The following SYNE1 variants were observed in gnomAD, a reference collection of about 807,000 sequenced individuals.
SYNE1 encodes nesprin-1.
A neutral mutation model predicts 1,111.0 loss-of-function variants in SYNE1; 616 were observed. That is an observed-to-expected ratio of 0.55 (90% CI 0.52 to 0.59). The LOEUF (loss-of-function observed/expected upper bound fraction) is 0.59. SYNE1 is among the 20% of genes least tolerant of loss of function. SYNE1 has a pLI of 0.00. For missense variants in SYNE1, 10,006 were observed against 10,417.0 expected (o/e 0.96, Z 1.72); for synonymous variants, 3,855 against 3,825.8 (o/e 1.01, Z -0.28).
In SYNE1 at chr6:152,325,760, T is replaced by G. The variant is rs1243052879; in HGVS notation, c.15438+198A>C. On this transcript the variant is annotated intron_variant, in intron 80 of 145. Transcript: ENST00000367255. Reference sequence around the variant, plus strand: ...TATCGGAAGCAAATTGCTCTGAACATCTTAGCTATGCATTTCCAATGGGAA... The same window carrying G: ...TATCGGAAGCAAATTGCTCTGAACAGCTTAGCTATGCATTTCCAATGGGAA... Among the ~76,000 whole-genome samples, 3 of 152,236 alleles carry G rather than the reference T, an allele frequency of 2.0e-5. No homozygotes were observed. The East Asian group carries it at 5.8e-4, about 29-fold the overall frequency.
intron 127 of SYNE1, among the ~76,000 whole-genome samples, chr6:152,198,274 T>C (rs543166563): frequency 9.4e-4 from 143 of 152,340 alleles, no homozygotes; most frequent in African/African-American, 3.3e-3. Context: ...CTGCAGTTAC[T>C]TCTCCTCCCT....
chr6:152,284,071 C>T lies in SYNE1; in HGVS notation c.18114G>A (p.Ala6038=), dbSNP rs149923357. The T allele has an allele frequency of 2.1e-4, 341 of 1,614,212 alleles. No individual in the cohort carries two copies. In the African/African-American group the frequency reaches 3.8e-3, roughly 18 times the overall value. ...GCGTGGACTGCAAGGCCAGCTGCTC[C>T]GCAGGGTCGGCCTCACAAGACTCGG... is the stretch of plus-strand genomic sequence containing the variant. ...LVSESCEADP[A]EQLALQSTLT... is the part of the protein sequence containing the mutation. The change falls in exon 96 of 146, where the codon GCG becomes GCA. Residue 6038 remains alanine, a synonymous_variant. Coordinates refer to ENST00000367255, the MANE Select transcript of SYNE1 (RefSeq NM_182961.4).
At position 152,230,551 on chromosome 6, in the gene SYNE1, C is replaced by CA; in HGVS notation, c.21190dup (p.Cys7064LeufsTer9). On this transcript the variant is annotated frameshift_variant, in exon 115 of 146. Transcript: ENST00000367255. LOFTEE classifies it high-confidence loss of function. ...TTAGCCACCTGGACAAGTTACCTGACAGTCTTTCAGTGCATTTTGAACAGA... is the reference window on the plus strand; with the variant it reads ...TTAGCCACCTGGACAAGTTACCTGACAAGTCTTTCAGTGCATTTTGAACAGA... 6.2e-7 allele frequency: 1 copy of CA among 1,614,064 alleles called. No homozygotes were observed. Among genetic ancestry groups the CA allele is most frequent in the South Asian group, 1.1e-5 (1 of 91,088 alleles).
chr6:152,151,514 G>C (rs1181748775), intron 135 of SYNE1, 39 bp downstream of exon 135: 1 of 1,611,590 alleles, frequency 6.2e-7, no homozygotes, highest in Middle Eastern at 1.7e-4. Context: ...TCATTTTCAG[G>C]CTTTCTTCAC....
At chr6:152,139,899 C>A in intron 140 of SYNE1, 51 bp downstream of exon 140, 1 of 1,581,530 alleles carries the variant, frequency 6.3e-7, no homozygotes, top group South Asian at 1.1e-5. Context: ...CACGGTCGTT[C>A]ACGCGGTGGC....
chr6:152,488,516 A>C lies in SYNE1; in HGVS notation c.940-13T>G. On this transcript the variant is annotated splice_polypyrimidine_tract_variant and intron_variant, in intron 11 of 145. Coordinates refer to ENST00000367255, the MANE Select transcript of SYNE1 (RefSeq NM_182961.4). ...CTCTGTCTTCTCTCTGGAAATGAGG[A>C]GACATTACAATTTTATTAGTATCTG... The C allele has an allele frequency of 7.2e-7, 1 of 1,387,700 alleles. No homozygotes were observed. Among genetic ancestry groups the C allele is most frequent in the Non-Finnish European group, 1.0e-6 (1 of 979,232 alleles). 86.0% of individuals were successfully genotyped at this position (1,387,700 alleles called of 1,614,324 possible). A position where few individuals can be genotyped will look rare whatever the true frequency, so the allele number is the denominator to read the frequency against.
intron 39 of SYNE1, among the ~76,000 whole-genome samples, chr6:152,424,823 A>G (rs1283872517): frequency 6.6e-6 from 1 of 152,236 alleles, no homozygotes; most frequent in African/African-American, 2.4e-5. Context: ...AGAAAGGTTA[A>G]ATGCCTAAGA....
At chr6:152,454,245 G>A (rs1206575638) in intron 24 of SYNE1, among the ~76,000 whole-genome samples, 1 of 146,840 alleles carries the variant, frequency 6.8e-6, no homozygotes, top group Non-Finnish European at 1.5e-5. Context: ...TGCACACATA[G>A]GCACACATGC....
intron 90 of SYNE1, 124 bp downstream of exon 90, chr6:152,309,711 C>T (rs756230235): frequency 2.2e-5 from 28 of 1,292,988 alleles, no homozygotes; most frequent in Non-Finnish European, 2.6e-5. Context: ...TTTTATAAAA[C>T]CACAACAGCC....
At chr6:152,563,609 T>A (rs2099402059) in intron 3 of SYNE1, among the ~76,000 whole-genome samples, 1 of 152,166 alleles carries the variant, frequency 6.6e-6, no homozygotes, top group Admixed American at 6.5e-5. Flanking sequence ...GTCATCTCAA[T>A]AAAGCTGGAA....
At position 152,206,370 on chromosome 6, in the gene SYNE1, G is replaced by T. The variant is rs1280601246; in HGVS notation, c.22825-8C>A. On this transcript the variant is annotated splice_polypyrimidine_tract_variant and splice_region_variant and intron_variant, in intron 125 of 145. Transcript: ENST00000367255. ...AAACACTTTTTCTTTGAACTGAAAG[G>T]AACCATAGCTTTTTATTTTCTCATT... 2 of 1,613,448 alleles carry T rather than the reference G, an allele frequency of 1.2e-6. No individual in the cohort carries two copies. The highest frequency in any genetic ancestry group is 2.2e-5 in the South Asian group (2 of 91,046).
intron 3 of SYNE1, among the ~76,000 whole-genome samples, chr6:152,568,360 T>A (rs912669706): frequency 7.3e-6 from 1 of 137,644 alleles, no homozygotes; most frequent in South Asian, 2.4e-4. Flanking sequence ...TGAAGTACAG[T>A]GGCGAGATCT....
rs561909499 is a variant in SYNE1 at position 152,591,824 on chromosome 6, A to G, written c.67+36441T>C. Among the ~76,000 whole-genome samples, 63 of 151,738 alleles carry G rather than the reference A, an allele frequency of 4.2e-4. 1 individual carries two copies. The highest frequency in any genetic ancestry group is 3.9e-4 in the East Asian group (2 of 5,186). On this transcript the variant is annotated intron_variant, in intron 3 of 145. Transcript: ENST00000367255. ...TAAATCAACAGCAAAAAAATAAAAT[A>G]AAATAAACAAAAAACCCCATTAAAA... is the stretch of plus-strand genomic sequence containing the variant.
At position 152,122,582 on chromosome 6, in the gene SYNE1, G is replaced by A. The variant is rs1333054023; in HGVS notation, c.26248C>T (p.Pro8750Ser). ...AGGAGGAGCAGGAGAAGCTGAAGGG[G>A]AAGAGCTGCTCGGAGGACTCTGAAC... ...FLFRVLRAAL[P>S]LQLLLLLLIG... The change falls in exon 146 of 146, where the codon CCC (proline) becomes TCC (serine). Residue 8750 changes from proline (P) to serine (S), a missense_variant. Transcript: ENST00000367255. 2 of 1,614,096 alleles carry A rather than the reference G, an allele frequency of 1.2e-6. No homozygotes were observed. The highest frequency in any genetic ancestry group is 1.7e-5 in the Admixed American group (1 of 60,008).
chr6:152,316,398 G>A, intron 87 of SYNE1: 1 of 200,784 alleles, frequency 5.0e-6, no homozygotes. Context: ...CAAATGATGA[G>A]AAGACAGAAT....
At chr6:152,477,563 AT>A (rs1405960999) in intron 14 of SYNE1, among the ~76,000 whole-genome samples, 1 of 152,176 alleles carries the variant, frequency 6.6e-6, no homozygotes, top group African/African-American at 2.4e-5. Context: ...CCTATTTAAA[AT>A]TGCAACAACA....
intron 98 of SYNE1, among the ~76,000 whole-genome samples, chr6:152,273,957 G>T (rs901676087): frequency 6.6e-6 from 1 of 152,166 alleles, no homozygotes; most frequent in Non-Finnish European, 1.5e-5. Flanking sequence ...GTAGGGTGGG[G>T]CAAGGGAGTA....
intron 3 of SYNE1, among the ~76,000 whole-genome samples, chr6:152,601,260 C>T (rs1396311276): frequency 6.6e-6 from 1 of 152,080 alleles, no homozygotes; most frequent in Non-Finnish European, 1.5e-5. Flanking sequence ...TACTGGGAGA[C>T]AAGATTTATA....
chr6:152,401,193 T>A lies in SYNE1; in HGVS notation c.6974A>T (p.Glu2325Val). The change falls in exon 47 of 146, where the codon GAA becomes GTA. Residue 2325 changes from glutamate (E) to valine (V), a missense_variant. Around this residue, in one of 7 missense-constraint regions of SYNE1, gnomAD observed 4,955 missense variants for 5,017.2 expected, o/e 0.99. Transcript: ENST00000367255. ...DITTWFTKVE[E>V]SLMNCAQNET... is the part of the protein sequence containing the mutation. The stretch of plus-strand genomic sequence containing the variant: ...ATTTTGGGCACAGTTCATCAACGAT[T>A]CTTCCACTTTTGTGAACCATGTTGT... 1 of 1,614,182 alleles carries A rather than the reference T, an allele frequency of 6.2e-7. No homozygotes were observed. The highest frequency in any genetic ancestry group is 1.1e-5 in the South Asian group (1 of 91,084).
Sources: allele counts gnomAD v4.1 joint callset (sites outside exome capture counted in the v4.1 genomes callset), GRCh38; gene constraint gnomAD v4.1.1; regional missense constraint gnomAD v4.1.1; transcripts MANE v1.5; gene names NCBI Gene and HGNC (gene_info 2026-07-23, HGNC 2026-07-21).